CSMD1: variants seen among roughly 807,000 people sequenced by gnomAD.
The protein encoded by CSMD1 is CUB and sushi domain-containing protein 1.
CSMD1 carries 213 observed loss-of-function variants against 417.5 expected under a neutral mutation model. The observed-to-expected ratio is 0.51, with a 90% CI of 0.46 to 0.57. The LOEUF (loss-of-function observed/expected upper bound fraction) is 0.57. Among genes scored for constraint, CSMD1 ranks in the 20% least tolerant of loss-of-function variants. The probability of loss-of-function intolerance (pLI) is 0.00; values close to 1 mark genes in which losing one functional copy is unlikely to be tolerated. For synonymous variants in CSMD1, 2,862 were observed against 1,736.8 expected (o/e 1.65, Z -16.11); for missense variants, 6,923 against 4,529.7 (o/e 1.53, Z -15.17).
intron 5 of CSMD1, among the ~76,000 whole-genome samples, chr8:3,789,627 C>A (rs186686669): frequency 7.3e-5 from 11 of 151,138 alleles, no homozygotes; most frequent in African/African-American, 2.7e-4. Flanking sequence ...GTCTTTAAGT[C>A]CTCTAAAAAA....
chr8:3,737,557 G>C (rs1020017622), intron 6 of CSMD1, among the ~76,000 whole-genome samples: 1 of 152,142 alleles, frequency 6.6e-6, no homozygotes, highest in Non-Finnish European at 1.5e-5. Flanking sequence ...TCCTTGCACA[G>C]AGTAGCATAT....
At chr8:3,317,634 G>T (rs930967032) in intron 23 of CSMD1, among the ~76,000 whole-genome samples, 1 of 152,114 alleles carries the variant, frequency 6.6e-6, no homozygotes, top group Non-Finnish European at 1.5e-5. Flanking sequence ...TGTAAGGATG[G>T]CTCCTTTTGT....
chr8:3,028,414 G>C (rs917196907), intron 51 of CSMD1, among the ~76,000 whole-genome samples: 23 of 152,230 alleles, frequency 1.5e-4, no homozygotes, highest in African/African-American at 5.3e-4. Context: ...TCCAAACCAG[G>C]ACACCGTTCA....
At chr8:3,491,902 G>C (rs1453012152) in intron 11 of CSMD1, among the ~76,000 whole-genome samples, 1 of 152,204 alleles carries the variant, frequency 6.6e-6, no homozygotes, top group Non-Finnish European at 1.5e-5. Flanking sequence ...CAGAATGAGA[G>C]TTTAAAAGGC....
At chr8:4,713,928 T>C (rs564954799) in intron 1 of CSMD1, among the ~76,000 whole-genome samples, 46 of 152,186 alleles carry the variant, frequency 3.0e-4, no homozygotes, top group Middle Eastern at 6.8e-3. Context: ...GTGGATCACT[T>C]GAGGTCAGGA....
intron 23 of CSMD1, among the ~76,000 whole-genome samples, chr8:3,314,230 C>G (rs949518712): frequency 2.6e-5 from 4 of 151,682 alleles, no homozygotes; most frequent in Non-Finnish European, 5.9e-5. Context: ...TGTAACAAAC[C>G]CTAAAACTTA....
chr8:3,262,201 ATATATAT>A (rs1243381972), intron 26 of CSMD1, among the ~76,000 whole-genome samples: 1 of 87,422 alleles, frequency 1.1e-5, no homozygotes, highest in East Asian at 2.7e-4. Context: ...ATATATATAT[ATATATAT>A]ATATATATAT....
chr8:3,628,583 A>G (rs982350609), intron 7 of CSMD1, among the ~76,000 whole-genome samples: 1 of 152,218 alleles, frequency 6.6e-6, no homozygotes, highest in Non-Finnish European at 1.5e-5. Context: ...GCCACTGGGC[A>G]TCATGGCAAG....
chr8:4,496,763 A>C (rs1802000026), intron 2 of CSMD1, among the ~76,000 whole-genome samples: 1 of 152,188 alleles, frequency 6.6e-6, no homozygotes, highest in African/African-American at 2.4e-5. Context: ...GCTGGGAGTA[A>C]TTTTGAAAGC....
chr8:4,575,806 G>A (rs1052670390), intron 2 of CSMD1, among the ~76,000 whole-genome samples: 1 of 152,174 alleles, frequency 6.6e-6, no homozygotes, highest in South Asian at 2.1e-4. Context: ...GCAATAACAA[G>A]CTAGTCTGAG....
chr8:3,105,635 G>C (rs1816082850), intron 46 of CSMD1, among the ~76,000 whole-genome samples: 1 of 152,108 alleles, frequency 6.6e-6, no homozygotes, highest in Non-Finnish European at 1.5e-5. Context: ...CTTGCACATG[G>C]TCTACATATG....
intron 26 of CSMD1, among the ~76,000 whole-genome samples, chr8:3,232,034 G>A (rs986097204): frequency 1.5e-4 from 23 of 152,150 alleles, no homozygotes; most frequent in African/African-American, 4.1e-4. Context: ...ATAACACAAT[G>A]AGAACAATGA....
intron 2 of CSMD1, among the ~76,000 whole-genome samples, chr8:4,591,913 G>C (rs1800006303): frequency 6.6e-6 from 1 of 152,088 alleles, no homozygotes; most frequent in South Asian, 2.1e-4. Context: ...ACATTCTGAG[G>C]GACTTCAGGA....
At position 3,099,896 on chromosome 8, in the gene CSMD1, T is replaced by C. The variant is rs778909872; in HGVS notation, c.6950-2859A>G. On this transcript the variant is annotated intron_variant, in intron 46 of 69. Coordinates refer to ENST00000635120, the MANE Select transcript of CSMD1 (RefSeq NM_033225.6). The stretch of plus-strand genomic sequence containing the variant: ...CTCCAACCAAAGAGGTAGCAGATAA[T>C]TTGTAGAGAATTTGTACCATTTTTC... 1.4e-4 allele frequency among the ~76,000 whole-genome samples: 22 copies of C among 152,330 alleles called. 1 individual carries two copies. In the Middle Eastern group the frequency reaches 0.01, roughly 71 times the overall value.
chr8:4,097,624 T>C (rs1337130768), intron 3 of CSMD1, among the ~76,000 whole-genome samples: 2 of 152,332 alleles, frequency 1.3e-5, no homozygotes, highest in Admixed American at 6.5e-5. Context: ...ATAAGCTATC[T>C]GCAACATAGG....
chr8:3,100,738 C>A (rs1315664360), intron 46 of CSMD1, among the ~76,000 whole-genome samples: 1 of 152,200 alleles, frequency 6.6e-6, no homozygotes, highest in African/African-American at 2.4e-5. Flanking sequence ...TTCAACGCAT[C>A]TCATAGGCCT....
chr8:3,337,244 GA>G, intron 23 of CSMD1, among the ~76,000 whole-genome samples: 1 of 152,150 alleles, frequency 6.6e-6, no homozygotes, highest in East Asian at 1.9e-4. Flanking sequence ...TTCAAAAGCA[GA>G]AAATATTTTG....
At chr8:3,510,817 G>A (rs1797033337) in intron 10 of CSMD1, among the ~76,000 whole-genome samples, 3 of 151,802 alleles carry the variant, frequency 2.0e-5, no homozygotes, top group South Asian at 2.1e-4. Flanking sequence ...CTTTTGAGAA[G>A]TATCTGTTCA....
intron 1 of CSMD1, among the ~76,000 whole-genome samples, chr8:4,713,224 G>C (rs1808422632): frequency 6.6e-6 from 1 of 152,198 alleles, no homozygotes; most frequent in Admixed American, 6.5e-5. Context: ...ATTAGTTTCA[G>C]ATTTATTAGC....
Sources: allele counts gnomAD v4.1 joint callset (sites outside exome capture counted in the v4.1 genomes callset), GRCh38; gene constraint gnomAD v4.1.1; transcripts MANE v1.5; gene names NCBI Gene and HGNC (gene_info 2026-07-23, HGNC 2026-07-21).